Variants in CCP110 observed in about 807,000 individuals in gnomAD.
CCP110 encodes the protein centriolar coiled-coil protein 110, also known as centriolar coiled-coil protein of 110 kDa.
A neutral mutation model predicts 105.5 loss-of-function variants in CCP110; 43 were observed. The observed-to-expected ratio is 0.41, with a 90% CI of 0.32 to 0.53. The LOEUF (loss-of-function observed/expected upper bound fraction) is 0.53. Ranked by LOEUF, CCP110 falls within the 20% of genes least tolerant of loss-of-function variation. The probability of loss-of-function intolerance (pLI) is 0.32; values close to 1 mark genes in which losing one functional copy is unlikely to be tolerated. For missense variants in CCP110, 1,016 were observed against 1,189.1 expected (o/e 0.85, Z 2.14); for synonymous variants, 353 against 392.1 (o/e 0.90, Z 1.18).
At position 19,548,553 on chromosome 16, in the gene CCP110, G is replaced by C. The variant is rs1970536713; in HGVS notation, c.2939G>C (p.Arg980Thr). 1 of 1,549,998 alleles carries C rather than the reference G, an allele frequency of 6.5e-7. No individual in the cohort carries two copies. Among genetic ancestry groups the C allele is most frequent in the Non-Finnish European group, 8.7e-7 (1 of 1,146,666 alleles). Residue 980 changes from arginine (R) to threonine (T), a missense_variant, in exon 14 of 15, where the codon AGA becomes ACA. Physicochemically the swap from Arg to Thr is moderately conservative, Grantham distance 71 (BLOSUM62 -1). Coordinates refer to ENST00000381396, the Ensembl canonical transcript of CCP110. This position sits in a 1 kb window ranked among gnomAD's most constrained non-coding sequence, Gnocchi z 4.1. ...TCAGTGAAGGGGGTTGTGCAAAATA[G>C]ACAGAAGCCTTCACAGAGCAGAGTG...
At chr16:19,525,622 G>T (rs997593328) in intron 1 of CCP110, 1 of 152,178 alleles carries the variant, frequency 6.6e-6, no homozygotes, top group South Asian at 2.1e-4. Context: ...TTCCTTGCTA[G>T]CTTCGGTGTA....
At chr16:19,546,261 G>T in intron 11 of CCP110, 151 bp from the exon 12 acceptor site, 1 of 532,288 alleles carries the variant, frequency 1.9e-6, no homozygotes, top group Non-Finnish European at 3.3e-6. Context: ...CTTCTTTCTT[G>T]AATGCAGTCT....
At chr16:19,538,302 CTTTTTTTTTTTTTTT>C (rs1164690143) in intron 4 of CCP110, among the ~76,000 whole-genome samples, 15 of 55,246 alleles carry the variant, frequency 2.7e-4, no homozygotes, top group Admixed American at 2.0e-3. Context: ...GGAAACAGTT[CTTTTTTTTTTTTTTT>C]TTTTTTTTTT....
chr16:19,532,589 A>G (rs1482260856), intron 3 of CCP110, 45 bp downstream of exon 3: 1 of 1,474,300 alleles, frequency 6.8e-7, no homozygotes, highest in East Asian at 2.3e-5. Flanking sequence ...AAATCATAAG[A>G]TAAGCGTTGA....
chr16:19,550,699 C>G (rs761569863), intron 14 of CCP110, among the ~76,000 whole-genome samples: 4 of 152,206 alleles, frequency 2.6e-5, no homozygotes, highest in Non-Finnish European at 4.4e-5. Context: ...GAATATCATA[C>G]TCTTAGACTG....
intron 1 of CCP110, chr16:19,526,758 C>CTTTAAGTA (rs1969688054): frequency 5.3e-5 from 8 of 151,964 alleles, no homozygotes; most frequent in Admixed American, 5.2e-4. Context: ...TACTTTGAGG[C>CTTTAAGTA]CTACCGAGGA....
intron 3 of CCP110, among the ~76,000 whole-genome samples, chr16:19,532,981 A>G (rs1043190502): frequency 6.6e-6 from 1 of 152,248 alleles, no homozygotes; most frequent in African/African-American, 2.4e-5. Flanking sequence ...AATGCAGTTT[A>G]GATAACATTG....
At chr16:19,544,823 T>C (rs746086014) in exon 9 of CCP110, 5 of 1,592,678 alleles carry the variant, frequency 3.1e-6, no homozygotes, top group Non-Finnish European at 2.6e-6. Flanking sequence ...TAAGAAGTTT[T>C]CAGTCAGAAG....
At chr16:19,545,628 A>T (rs534569882) in intron 10 of CCP110, among the ~76,000 whole-genome samples, 189 bp from the exon 11 acceptor site, 1 of 152,298 alleles carries the variant, frequency 6.6e-6, no homozygotes, top group East Asian at 1.9e-4. Context: ...AGCAAGCAAA[A>T]TTTACATAAT....
intron 10 of CCP110, 91 bp from the exon 11 acceptor site, chr16:19,545,726 C>A: frequency 1.4e-6 from 1 of 712,418 alleles, no homozygotes; most frequent in Non-Finnish European, 2.5e-6. Flanking sequence ...TAGAGAGAAG[C>A]TTTTCCAGGC....
chr16:19,542,324 G>A (rs1358927344), intron 6 of CCP110, among the ~76,000 whole-genome samples: 1 of 152,178 alleles, frequency 6.6e-6, no homozygotes, highest in Non-Finnish European at 1.5e-5. Flanking sequence ...CATGCAGCAG[G>A]TGATATACTT....
chr16:19,548,635 T>A lies in CCP110; in HGVS notation c.2986+35T>A. The A allele has an allele frequency of 3.1e-6, 4 of 1,310,450 alleles. No homozygotes were observed. The highest frequency in any genetic ancestry group is 4.3e-6 in the Non-Finnish European group (4 of 935,916). The allele number at this position is 1,310,450 out of a possible 1,614,324, so 81.2% of individuals were successfully genotyped here. ...AAATAAATTCCTGAAGCCCATTCAATAGAAGGAAGTGCACAAGCTGCCCCA... is the reference window on the plus strand; with the variant it reads ...AAATAAATTCCTGAAGCCCATTCAAAAGAAGGAAGTGCACAAGCTGCCCCA... On this transcript the variant is annotated intron_variant, in intron 14 of 14. Coordinates refer to ENST00000381396, the Ensembl canonical transcript of CCP110. This position sits in a 1 kb window ranked among gnomAD's most constrained non-coding sequence, Gnocchi z 4.1.
At chr16:19,535,758 T>C (rs574101321) in intron 3 of CCP110, among the ~76,000 whole-genome samples, 182 bp from the exon 4 acceptor site, 2 of 152,362 alleles carry the variant, frequency 1.3e-5, no homozygotes, top group Admixed American at 1.3e-4. Flanking sequence ...AGGCATCTTT[T>C]CAATAATAAT....
At chr16:19,536,762 C>T (rs762502593) in exon 4 of CCP110, 1 of 1,614,070 alleles carries the variant, frequency 6.2e-7, no homozygotes, top group South Asian at 1.1e-5. Flanking sequence ...TGCCAAATTA[C>T]CTAGTCCAGA....
chr16:19,548,146 G>A lies in CCP110; in HGVS notation c.2900+132G>A. 1.4e-6 allele frequency: 1 copy of A among 728,462 alleles called. No individual in the cohort carries two copies. The highest frequency in any genetic ancestry group is 2.4e-6 in the Non-Finnish European group (1 of 412,120). 45.1% of individuals were successfully genotyped at this position (728,462 alleles called of 1,614,324 possible). On this transcript the variant is annotated intron_variant, in intron 13 of 14. Transcript: ENST00000381396. The surrounding 1 kb of genome is among the most constrained non-coding windows in gnomAD (Gnocchi z 4.1). ...GGGATTTTTTTTCTTTATAGCATTGGGAAAGATATTTTAAAGTTTTGTCTT... is the reference window on the plus strand; with the variant it reads ...GGGATTTTTTTTCTTTATAGCATTGAGAAAGATATTTTAAAGTTTTGTCTT...
chr16:19,544,326 G>A (rs1466989602), intron 8 of CCP110, among the ~76,000 whole-genome samples: 1 of 152,158 alleles, frequency 6.6e-6, no homozygotes, highest in Non-Finnish European at 1.5e-5. Flanking sequence ...AAAGTGAGTG[G>A]TTTGACTTCT....
At chr16:19,531,869 G>A (rs1969880075) in intron 2 of CCP110, among the ~76,000 whole-genome samples, 1 of 152,048 alleles carries the variant, frequency 6.6e-6, no homozygotes, top group Non-Finnish European at 1.5e-5. Context: ...CGGAGGCTGA[G>A]GCAGGAGAAT....
intron 12 of CCP110, 26 bp downstream of exon 12, chr16:19,546,500 G>A (rs764174207): frequency 7.2e-7 from 1 of 1,394,156 alleles, no homozygotes; most frequent in Non-Finnish European, 1.0e-6. Flanking sequence ...TAGTCTTAAT[G>A]AGAGGCTTTT....
intron 2 of CCP110, 44 bp from the exon 3 acceptor site, chr16:19,532,372 A>G (rs760507323): frequency 4.8e-5 from 73 of 1,514,732 alleles, no homozygotes; most frequent in Admixed American, 2.7e-4. Context: ...ATTTTATGAT[A>G]TTTTTATCGT....
Sources: gnomAD v4.1 joint callset for allele counts (sites outside exome capture counted in the v4.1 genomes callset) on GRCh38, gnomAD v4.1.1 for gene constraint, Gnocchi (gnomAD v3.1) non-coding constraint, MANE v1.5 for transcripts, NCBI Gene and HGNC (gene_info 2026-07-23, HGNC 2026-07-21) for gene names.